Variants in RAD23B observed in about 807,000 individuals in gnomAD.
RAD23B encodes the protein lysine-specific demethylase RAD23B.
Under a neutral mutation model 49.1 loss-of-function variants are expected in RAD23B, and 5 were observed. That is an observed-to-expected ratio of 0.10 (90% confidence interval 0.05 to 0.21). RAD23B has a LOEUF of 0.21. RAD23B is among the 10% of genes least tolerant of loss of function. The pLI is 1.00. For synonymous variants in RAD23B, 184 were observed against 165.4 expected, an observed-to-expected ratio of 1.11 and a Z score of -0.86; for missense variants, 356 against 486.7, an observed-to-expected ratio of 0.73 and a Z score of 2.53.
At chr9:107,313,117 C>T (rs1024484631) in intron 5 of RAD23B, among the ~76,000 whole-genome samples, 1 of 152,152 alleles carries the variant, frequency 6.6e-6, no homozygotes, top group Non-Finnish European at 1.5e-5. Context: ...AACTTTCCTT[C>T]TTTGGCTGCT....
intron 6 of RAD23B, 35 bp from the exon 7 acceptor site, chr9:107,321,948 A>T: frequency 6.4e-7 from 1 of 1,562,224 alleles, no homozygotes; most frequent in Non-Finnish European, 8.7e-7. Context: ...ATTTTGCATG[A>T]TGGGATATCT....
chr9:107,284,865 C>G (rs1417384751), intron 1 of RAD23B: 11 of 1,238,984 alleles, frequency 8.9e-6, no homozygotes, highest in Admixed American at 2.4e-5. Flanking sequence ...GTTTCATTCT[C>G]TGTATAATAG....
In RAD23B at chr9:107,322,673, C is replaced by T. The variant is rs1050925545; in HGVS notation, c.817+555C>T. ...GAACCTGCGGTCAGCTTAGGAATTA[C>T]GCAGTGTTCTCCTTCGTTCGTTCTT... On this transcript the variant is annotated intron_variant, in intron 7 of 9. Transcript: ENST00000358015. Among the ~76,000 whole-genome samples the T allele has an allele frequency of 5.9e-5, 9 of 152,322 alleles. No homozygotes were observed. The South Asian group carries it at 6.2e-4, about 11-fold the overall frequency.
chr9:107,314,524 C>T (rs975569543), intron 5 of RAD23B, among the ~76,000 whole-genome samples: 1 of 152,100 alleles, frequency 6.6e-6, no homozygotes, highest in Non-Finnish European at 1.5e-5. Flanking sequence ...TGGTTTTATT[C>T]TTTTTGATGG....
At chr9:107,309,943 A>AAC (rs1032644834) in intron 4 of RAD23B, among the ~76,000 whole-genome samples, 4 of 151,152 alleles carry the variant, frequency 2.6e-5, no homozygotes, top group Non-Finnish European at 5.9e-5. Flanking sequence ...AAAAAAAAAA[A>AAC]AAAAAAACCA....
intron 9 of RAD23B, among the ~76,000 whole-genome samples, chr9:107,327,357 A>G (rs1442714780): frequency 6.6e-6 from 1 of 152,028 alleles, no homozygotes; most frequent in Non-Finnish European, 1.5e-5. Flanking sequence ...GTTTAGTTTT[A>G]GTTTAAGATT....
chr9:107,327,988 A>G (rs924202354), intron 9 of RAD23B, among the ~76,000 whole-genome samples: 4 of 152,164 alleles, frequency 2.6e-5, no homozygotes, highest in Non-Finnish European at 4.4e-5. Context: ...TTCCTCTGAT[A>G]TAGCCATTCT....
chr9:107,297,099 G>A (rs767430572), intron 1 of RAD23B, among the ~76,000 whole-genome samples: 1 of 151,672 alleles, frequency 6.6e-6, no homozygotes, highest in African/African-American at 2.4e-5. Context: ...TGATCTGCCC[G>A]CCTTGGCCTC....
At chr9:107,302,135 G>A in intron 3 of RAD23B, 21 bp downstream of exon 3, 1 of 1,610,422 alleles carries the variant, frequency 6.2e-7, no homozygotes, top group Non-Finnish European at 8.5e-7. Flanking sequence ...ACCTCATTCT[G>A]TATATCTTTA....
At chr9:107,306,784 A>G (rs1826787120) in intron 4 of RAD23B, 137 bp downstream of exon 4, 2 of 946,354 alleles carry the variant, frequency 2.1e-6, no homozygotes, top group Admixed American at 2.9e-5. Context: ...TGACTAAAAC[A>G]TATGCTGCGT....
In RAD23B at chr9:107,331,370, G is replaced by T; in HGVS notation, c.*1714G>T. ...ATACAAAAAATAGCCAGGCATGGTGGCGCACGCCTGTGGTCCCAGCTACTT... is the reference window on the plus strand; with the variant it reads ...ATACAAAAAATAGCCAGGCATGGTGTCGCACGCCTGTGGTCCCAGCTACTT... On this transcript the variant is annotated 3_prime_UTR_variant, in exon 10 of 10. Transcript: ENST00000358015. 1 of 267,498 alleles carries T rather than the reference G, an allele frequency of 3.7e-6. No individual in the cohort carries two copies. The highest frequency in any genetic ancestry group is 7.0e-6 in the Non-Finnish European group (1 of 142,454). The allele number at this position is 267,498 out of a possible 1,614,324, so 16.6% of individuals were successfully genotyped here.
intron 1 of RAD23B, among the ~76,000 whole-genome samples, chr9:107,293,543 C>G (rs1259507414): frequency 6.6e-6 from 1 of 151,990 alleles, no homozygotes; most frequent in Non-Finnish European, 1.5e-5. Flanking sequence ...TATATAGTTA[C>G]AACAGTAATA....
At chr9:107,321,844 T>G in intron 6 of RAD23B, 139 bp from the exon 7 acceptor site, 1 of 989,544 alleles carries the variant, frequency 1.0e-6, no homozygotes, top group Non-Finnish European at 1.4e-6. Context: ...TAATAATCCT[T>G]TACTTTTAAT....
intron 6 of RAD23B, among the ~76,000 whole-genome samples, chr9:107,319,117 ATTTCTTT>A (rs1381561542): frequency 8.1e-6 from 1 of 122,728 alleles, no homozygotes; most frequent in Non-Finnish European, 1.6e-5. Context: ...CAGAACAAAA[ATTTCTTT>A]TTTCTTTTTT....
At chr9:107,295,132 T>G (rs765826266) in intron 1 of RAD23B, among the ~76,000 whole-genome samples, 4 of 151,964 alleles carry the variant, frequency 2.6e-5, no homozygotes, top group Non-Finnish European at 5.9e-5. Context: ...GAGAATAAAT[T>G]TCATGTTTTT....
intron 1 of RAD23B, 94 bp from the exon 2 acceptor site, chr9:107,300,043 TTATG>T: frequency 7.2e-7 from 1 of 1,389,240 alleles, no homozygotes; most frequent in Non-Finnish European, 9.7e-7. Flanking sequence ...ACATTAATAA[TTATG>T]TATATAATTT....
At chr9:107,287,589 C>G (rs546939127) in intron 1 of RAD23B, among the ~76,000 whole-genome samples, 75 of 152,176 alleles carry the variant, frequency 4.9e-4, no homozygotes, top group African/African-American at 1.6e-3. Flanking sequence ...TTACCCAGCA[C>G]CTTGGGAAGC....
chr9:107,292,676 C>CAAA (rs3056493), intron 1 of RAD23B, among the ~76,000 whole-genome samples: 2 of 82,756 alleles, frequency 2.4e-5, no homozygotes, highest in African/African-American at 9.5e-5. Context: ...GAGACTCTGT[C>CAAA]AAAAAAAAAA....
chr9:107,318,622 T>G lies in RAD23B; in HGVS notation c.554-130T>G. On this transcript the variant is annotated intron_variant, in intron 5 of 9. Coordinates refer to ENST00000358015, the MANE Select transcript of RAD23B (RefSeq NM_002874.5). The surrounding 1 kb of genome is among the most constrained non-coding windows in gnomAD (Gnocchi z 4.3). ...TACCTACTACATATATGTTGTAATT[T>G]ATACTGTTACTCATCTTTGTATTCC... 9.6e-7 allele frequency: 1 copy of G among 1,039,136 alleles called. No individual in the cohort carries two copies. Among genetic ancestry groups the G allele is most frequent in the Admixed American group, 2.4e-5 (1 of 42,410 alleles). The allele number at this position is 1,039,136 out of a possible 1,614,324, so 64.4% of individuals were successfully genotyped here. A position where few individuals can be genotyped will look rare whatever the true frequency, so the allele number is the denominator to read the frequency against.
Sources: gnomAD v4.1 joint callset for allele counts (sites outside exome capture counted in the v4.1 genomes callset) on GRCh38, gnomAD v4.1.1 for gene constraint, Gnocchi (gnomAD v3.1) non-coding constraint, MANE v1.5 for transcripts, NCBI Gene and HGNC (gene_info 2026-07-23, HGNC 2026-07-21) for gene names.